The following FRAS1 variants were observed in gnomAD, a reference collection of about 807,000 sequenced individuals.
The protein encoded by FRAS1 is extracellular matrix organizing protein FRAS1.
Under a neutral mutation model 435.2 loss-of-function variants are expected in FRAS1, and 290 were observed. The observed-to-expected ratio is 0.67, with a 90% CI of 0.61 to 0.73. FRAS1 has a LOEUF of 0.73. Ranked by LOEUF, FRAS1 falls within the 30% of genes least tolerant of loss-of-function variation. The pLI, the probability that FRAS1 is intolerant of heterozygous loss-of-function variation, is 0.00. For missense variants in FRAS1, 4,860 were observed against 5,001.5 expected, an observed-to-expected ratio of 0.97 and a Z score of 0.85; for synonymous variants, 1,800 against 1,851.0, an observed-to-expected ratio of 0.97 and a Z score of 0.71.
At chr4:78,120,682 G>C (rs1196460259) in intron 2 of FRAS1, among the ~76,000 whole-genome samples, 1 of 152,126 alleles carries the variant, frequency 6.6e-6, no homozygotes, top group South Asian at 2.1e-4. Flanking sequence ...TTTCAATGAA[G>C]GATTAAGCAC....
chr4:78,124,949 T>G (rs1177470600), intron 2 of FRAS1, among the ~76,000 whole-genome samples: 3 of 152,212 alleles, frequency 2.0e-5, no homozygotes, highest in African/African-American at 7.2e-5. Context: ...GCCAATGCAT[T>G]CATTGATTTT....
chr4:78,061,967 G>T (rs1190642609), intron 1 of FRAS1, among the ~76,000 whole-genome samples: 1 of 152,114 alleles, frequency 6.6e-6, no homozygotes, highest in African/African-American at 2.4e-5. Context: ...TAATTACCTG[G>T]CAATGGAAAT....
At chr4:78,472,079 C>G in intron 51 of FRAS1, 101 bp from the exon 52 acceptor site, 1 of 1,207,658 alleles carries the variant, frequency 8.3e-7, no homozygotes, top group Non-Finnish European at 1.2e-6. Flanking sequence ...AGTAAATACA[C>G]TCAGTAAATC....
At chr4:78,494,165 A>C (rs1252975969) in intron 59 of FRAS1, among the ~76,000 whole-genome samples, 1 of 151,848 alleles carries the variant, frequency 6.6e-6, no homozygotes, top group African/African-American at 2.4e-5. Context: ...TAAAAATGCT[A>C]TTGTCCTCTT....
At chr4:78,439,263 T>C (rs1295417519) in intron 40 of FRAS1, among the ~76,000 whole-genome samples, 199 bp downstream of exon 40, 1 of 152,188 alleles carries the variant, frequency 6.6e-6, no homozygotes, top group Non-Finnish European at 1.5e-5. Flanking sequence ...GATCAAATCA[T>C]TATATCTGCA....
chr4:78,394,116 C>G (rs1172919513), intron 29 of FRAS1, among the ~76,000 whole-genome samples: 1 of 151,828 alleles, frequency 6.6e-6, no homozygotes, highest in Non-Finnish European at 1.5e-5. Context: ...ATATTAACCT[C>G]TTATGAGATA....
At chr4:78,181,721 A>G (rs1722010980) in intron 2 of FRAS1, 2 of 1,610,532 alleles carry the variant, frequency 1.2e-6, no homozygotes. Flanking sequence ...TCTTCTTCCA[A>G]CTCGTCTTAT....
chr4:78,407,789 T>G lies in FRAS1; in HGVS notation c.4256T>G (p.Val1419Gly), dbSNP rs1733159149. Residue 1419 changes from valine to glycine, a missense_variant, in exon 31 of 74, where the codon GTA (valine) becomes GGA (glycine). Physicochemically the swap from Val to Gly is moderately radical, Grantham distance 109. Transcript: ENST00000512123. ...FTQQDINEGI[V>G]WYRHSGAPAQ... is the part of the protein sequence containing the mutation. The stretch of plus-strand genomic sequence containing the variant: ...CAGCAGGACATCAATGAAGGCATCG[T>G]ATGGTACAGGCACTCAGGAGCCCCA... 6.2e-7 allele frequency: 1 copy of G among 1,613,738 alleles called. No homozygotes were observed. The highest frequency in any genetic ancestry group is 1.7e-5 in the Admixed American group (1 of 59,992).
chr4:78,521,386 A>G, intron 67 of FRAS1, 137 bp from the exon 68 acceptor site: 1 of 589,160 alleles, frequency 1.7e-6, no homozygotes, highest in Non-Finnish European at 3.0e-6. Context: ...GTTTCTATAG[A>G]CATATAAATG....
Position 78,421,885 on chromosome 4 carries a change from C to T in FRAS1, c.4563C>T (p.His1521=). The change falls in exon 34 of 74, where the codon CAC becomes CAT. Residue 1521 remains histidine (H), a synonymous_variant. Coordinates refer to ENST00000512123, the MANE Select transcript of FRAS1 (RefSeq NM_025074.7). ...CAGGTATCATCGAGCACCGGGACCA[C>T]CCTCACTCTCCTATCCGGTATTTCA... ...PNQGIIEHRD[H]PHSPIRYFTQ... is the part of the protein sequence containing the mutation. 1 of 1,580,754 alleles carries T rather than the reference C, an allele frequency of 6.3e-7. No homozygotes were observed.
chr4:78,090,893 A>C (rs971274892), intron 2 of FRAS1, among the ~76,000 whole-genome samples: 11 of 152,242 alleles, frequency 7.2e-5, no homozygotes. Context: ...CAAGATTATA[A>C]TTATGTGCAG....
At chr4:78,140,855 C>T (rs1319949692) in intron 2 of FRAS1, among the ~76,000 whole-genome samples, 1 of 151,658 alleles carries the variant, frequency 6.6e-6, no homozygotes, top group African/African-American at 2.4e-5. Context: ...TTTTCAGTGA[C>T]CCAAATTTTG....
chr4:78,144,451 A>AGT (rs144059150), intron 2 of FRAS1, among the ~76,000 whole-genome samples: 8,629 of 146,528 alleles, frequency 0.059, 270 homozygotes, highest in South Asian at 0.094. Flanking sequence ...TTTTAAAATA[A>AGT]GTGTGTGTGT....
chr4:78,153,347 G>A (rs775585849), intron 2 of FRAS1, among the ~76,000 whole-genome samples: 2 of 152,078 alleles, frequency 1.3e-5, no homozygotes, highest in Non-Finnish European at 2.9e-5. Context: ...GGAATATGGT[G>A]GGGTGGTAAA....
intron 14 of FRAS1, among the ~76,000 whole-genome samples, chr4:78,305,883 G>A (rs1489521806): frequency 1.3e-5 from 2 of 151,230 alleles, no homozygotes; most frequent in Non-Finnish European, 1.5e-5. Context: ...ATATTGTTAT[G>A]TGTGAATTTG....
At chr4:78,372,641 CAG>C (rs1731559962) in intron 23 of FRAS1, 75 bp from the exon 24 acceptor site, 4 of 1,554,050 alleles carry the variant, frequency 2.6e-6, no homozygotes, top group Middle Eastern at 2.3e-4. Flanking sequence ...CAGCTGCAGA[CAG>C]AGTCCTCATA....
At chr4:78,085,384 C>T (rs1453054554) in intron 2 of FRAS1, among the ~76,000 whole-genome samples, 2 of 152,064 alleles carry the variant, frequency 1.3e-5, no homozygotes, top group African/African-American at 4.8e-5. Flanking sequence ...GAAACATGGT[C>T]TTTTTGTTAT....
At chr4:78,187,960 C>G (rs1722345312) in intron 2 of FRAS1, among the ~76,000 whole-genome samples, 1 of 152,074 alleles carries the variant, frequency 6.6e-6, no homozygotes, top group Admixed American at 6.6e-5. Context: ...TGTTTCAGTA[C>G]ATCAGGATCA....
At chr4:78,181,933 T>C in intron 2 of FRAS1, 1 of 1,609,008 alleles carries the variant, frequency 6.2e-7, no homozygotes, top group South Asian at 1.1e-5. Flanking sequence ...CGGCTTCTTT[T>C]TTCTTGTTCT....
Sources: allele counts gnomAD v4.1 joint callset (sites outside exome capture counted in the v4.1 genomes callset), GRCh38; gene constraint gnomAD v4.1.1; transcripts MANE v1.5; gene names NCBI Gene and HGNC (gene_info 2026-07-23, HGNC 2026-07-21).